The following PTER variants were observed in gnomAD, a reference collection of about 807,000 sequenced individuals.
The protein encoded by PTER is phosphotriesterase related.
A neutral mutation model predicts 29.6 loss-of-function variants in PTER; 38 were observed. That is an observed-to-expected ratio of 1.28 (90% CI 0.99 to 1.68). The LOEUF (loss-of-function observed/expected upper bound fraction) is 1.68. Ranked by LOEUF, PTER falls within the 40% of genes most tolerant of loss-of-function variation. The pLI is 0.00. For missense variants in PTER, 482 were observed against 427.8 expected, an observed-to-expected ratio of 1.13 and a Z score of -1.12; for synonymous variants, 172 against 154.5, an observed-to-expected ratio of 1.11 and a Z score of -0.84.
downstream of PTER, among the ~76,000 whole-genome samples, chr10:16,515,224 GAAAAA>G (rs71952606): frequency 2.2e-5 from 3 of 134,888 alleles, no homozygotes; most frequent in South Asian, 7.0e-4. Flanking sequence ...TACTTACAAA[GAAAAA>G]AAAAAAAAAG....
intron 1 of PTER, among the ~76,000 whole-genome samples, chr10:16,479,200 T>A (rs1359488730): frequency 6.6e-6 from 1 of 152,220 alleles, no homozygotes; most frequent in Non-Finnish European, 1.5e-5. Context: ...TTAAAGAACT[T>A]GCTGGGTCCC....
At chr10:16,483,058 T>G (rs1205981062) in intron 1 of PTER, among the ~76,000 whole-genome samples, 1 of 152,148 alleles carries the variant, frequency 6.6e-6, no homozygotes, top group African/African-American at 2.4e-5. Flanking sequence ...GCTGGGATTA[T>G]AGGCATGAGC....
intron 1 of PTER, among the ~76,000 whole-genome samples, chr10:16,454,087 C>G (rs979039962): frequency 6.6e-6 from 1 of 152,118 alleles, no homozygotes; most frequent in Non-Finnish European, 1.5e-5. Context: ...ATTATGTCAT[C>G]CCGTCTGTGT....
chr10:16,515,879 G>A (rs1836942252), downstream of PTER, among the ~76,000 whole-genome samples: 1 of 152,112 alleles, frequency 6.6e-6, no homozygotes, highest in South Asian at 2.1e-4. Context: ...CCTGCACTAT[G>A]TAATAATGCA....
At chr10:16,456,397 CAAATG>C (rs1468280776) in intron 1 of PTER, among the ~76,000 whole-genome samples, 1 of 152,168 alleles carries the variant, frequency 6.6e-6, no homozygotes, top group Non-Finnish European at 1.5e-5. Flanking sequence ...AGAGGCCCCT[CAAATG>C]AACACAATAT....
intron 1 of PTER, among the ~76,000 whole-genome samples, chr10:16,462,139 C>G (rs1366892886): frequency 6.6e-6 from 1 of 152,086 alleles, no homozygotes; most frequent in Non-Finnish European, 1.5e-5. Flanking sequence ...GCGCCTGCCA[C>G]TACGCCTGGC....
chr10:16,438,428 G>A (rs1352865441), intron 1 of PTER, among the ~76,000 whole-genome samples: 1 of 150,866 alleles, frequency 6.6e-6, no homozygotes, highest in African/African-American at 2.4e-5. Context: ...TCCCACAGGT[G>A]CACACCACCA....
At chr10:16,438,371 A>T (rs1447562597) in intron 1 of PTER, among the ~76,000 whole-genome samples, 1 of 151,760 alleles carries the variant, frequency 6.6e-6, no homozygotes, top group African/African-American at 2.4e-5. Context: ...ATCACAGCTC[A>T]CTGCAACCTT....
chr10:16,458,014 C>T (rs1401637519), intron 1 of PTER, among the ~76,000 whole-genome samples: 2 of 152,170 alleles, frequency 1.3e-5, no homozygotes, highest in Non-Finnish European at 2.9e-5. Context: ...AAGACAGGCA[C>T]CATGTCTGCT....
At chr10:16,488,618 G>A (rs1413976380) in intron 3 of PTER, among the ~76,000 whole-genome samples, 1 of 151,556 alleles carries the variant, frequency 6.6e-6, no homozygotes, top group Non-Finnish European at 1.5e-5. Context: ...GAGAGAGAGA[G>A]AGAGAGAGAG....
At chr10:16,479,275 C>G (rs1032852395) in intron 1 of PTER, among the ~76,000 whole-genome samples, 1 of 152,048 alleles carries the variant, frequency 6.6e-6, no homozygotes, top group African/African-American at 2.4e-5. Context: ...GTTACTGATT[C>G]TTTTGACAGT....
chr10:16,490,637 T>C (rs567751589), intron 3 of PTER, among the ~76,000 whole-genome samples: 2 of 151,416 alleles, frequency 1.3e-5, no homozygotes, highest in African/African-American at 2.4e-5. Flanking sequence ...GTTTTTTTTC[T>C]CTCTCTTCAA....
chr10:16,451,674 T>C (rs1834213869), intron 1 of PTER, among the ~76,000 whole-genome samples: 1 of 152,170 alleles, frequency 6.6e-6, no homozygotes, highest in South Asian at 2.1e-4. Flanking sequence ...ATTGTGCCAC[T>C]GCACTCCAGC....
Position 16,486,583 on chromosome 10 carries a change from G to C in PTER, c.664G>C (p.Asp222His). 4 of 1,613,900 alleles carry C rather than the reference G, an allele frequency of 2.5e-6. No individual in the cohort carries two copies. Among genetic ancestry groups the C allele is most frequent in the Non-Finnish European group, 3.4e-6 (4 of 1,179,878 alleles). ...CCGAATATTGCAAGAAGCAGGCGCA[G>C]ACATCTCCAAAACAGTCATGTCACA... is the stretch of plus-strand genomic sequence containing the variant. ...IIRILQEAGA[D>H]ISKTVMSHLD... is the part of the protein sequence containing the mutation. Residue 222 changes from aspartate (D) to histidine (H), a missense_variant, in exon 3 of 5, where the codon GAC (aspartate) becomes CAC (histidine). Physicochemically the swap from Asp to His is moderately conservative, Grantham distance 81. Transcript: ENST00000535784.
intron 1 of PTER, among the ~76,000 whole-genome samples, chr10:16,460,017 G>A (rs948277655): frequency 6.6e-6 from 1 of 152,126 alleles, no homozygotes; most frequent in African/African-American, 2.4e-5. Context: ...CACAGTGCTG[G>A]GATTACAGGC....
At chr10:16,470,193 C>G (rs927883702) in intron 1 of PTER, among the ~76,000 whole-genome samples, 6 of 152,068 alleles carry the variant, frequency 3.9e-5, no homozygotes, top group Non-Finnish European at 8.8e-5. Context: ...CCTTACTTTC[C>G]TCATAGAATA....
chr10:16,439,032 G>A (rs1173897956), intron 1 of PTER, among the ~76,000 whole-genome samples: 4 of 151,958 alleles, frequency 2.6e-5, no homozygotes, highest in Non-Finnish European at 5.9e-5. Context: ...TTTTGGGCCA[G>A]TTTTTTTCCT....
chr10:16,501,328 T>C (rs1436153458), intron 3 of PTER, among the ~76,000 whole-genome samples: 1 of 117,154 alleles, frequency 8.5e-6, no homozygotes, highest in African/African-American at 3.2e-5. Context: ...AATGAATAAC[T>C]ACACACACAC....
At chr10:16,462,952 G>C (rs890224767) in intron 1 of PTER, among the ~76,000 whole-genome samples, 1 of 151,760 alleles carries the variant, frequency 6.6e-6, no homozygotes, top group African/African-American at 2.4e-5. Context: ...CCAGCACTTT[G>C]GGAGGCCGAG....
Sources: allele counts gnomAD v4.1 joint callset (sites outside exome capture counted in the v4.1 genomes callset), GRCh38; gene constraint gnomAD v4.1.1; transcripts MANE v1.5; gene names NCBI Gene and HGNC (gene_info 2026-07-23, HGNC 2026-07-21).